The following GABRG3 variants were observed in gnomAD, a reference collection of about 807,000 sequenced individuals.
The protein encoded by GABRG3 is gamma-aminobutyric acid receptor subunit gamma-3.
Under a neutral mutation model 48.8 loss-of-function variants are expected in GABRG3, and 25 were observed. That is an observed-to-expected ratio of 0.51 (90% confidence interval 0.37 to 0.72). GABRG3 has a LOEUF of 0.72. GABRG3 is among the 30% of genes least tolerant of loss of function. The pLI, the probability that GABRG3 is intolerant of heterozygous loss-of-function variation, is 0.00. For missense variants in GABRG3, 394 were observed against 577.9 expected (o/e 0.68, Z 3.26); for synonymous variants, 227 against 217.6 (o/e 1.04, Z -0.38).
At chr15:27,040,713 A>G (rs1385271972) in intron 3 of GABRG3, among the ~76,000 whole-genome samples, 1 of 152,240 alleles carries the variant, frequency 6.6e-6, no homozygotes, top group Non-Finnish European at 1.5e-5. Flanking sequence ...CAAAGAAAGT[A>G]TTAAAATACT....
intron 6 of GABRG3, among the ~76,000 whole-genome samples, chr15:27,515,978 C>T (rs1014261807): frequency 5.9e-5 from 9 of 151,900 alleles, no homozygotes; most frequent in Non-Finnish European, 1.0e-4. Context: ...ACTTTTAAAG[C>T]ATAAGATGCT....
chr15:27,209,677 C>T (rs1350463014), intron 3 of GABRG3, among the ~76,000 whole-genome samples: 3 of 152,188 alleles, frequency 2.0e-5, no homozygotes, highest in African/African-American at 7.2e-5. Context: ...CTCTGGAGGC[C>T]ACCAGAGCGA....
chr15:27,318,153 G>C (rs532387963), intron 3 of GABRG3, among the ~76,000 whole-genome samples: 12 of 152,114 alleles, frequency 7.9e-5, no homozygotes, highest in Non-Finnish European at 1.5e-4. Flanking sequence ...GCACACTTAT[G>C]AGCACTTTGG....
chr15:27,175,903 C>G (rs1887728988), intron 3 of GABRG3, among the ~76,000 whole-genome samples: 1 of 152,088 alleles, frequency 6.6e-6, no homozygotes, highest in South Asian at 2.1e-4. Flanking sequence ...CTCAGAGAGG[C>G]CTGGGCAGCA....
intron 3 of GABRG3, among the ~76,000 whole-genome samples, chr15:27,135,594 G>C (rs1036043802): frequency 2.0e-5 from 3 of 152,102 alleles, no homozygotes; most frequent in Non-Finnish European, 4.4e-5. Flanking sequence ...CTGACTTGAG[G>C]GTTCTTGTGA....
At chr15:27,103,188 T>C (rs1198053792) in intron 3 of GABRG3, among the ~76,000 whole-genome samples, 1 of 152,228 alleles carries the variant, frequency 6.6e-6, no homozygotes, top group Non-Finnish European at 1.5e-5. Context: ...TGGAAGGTTC[T>C]GGGCCTGCCC....
chr15:27,114,086 A>G (rs1595532516), intron 3 of GABRG3, among the ~76,000 whole-genome samples: 1 of 152,342 alleles, frequency 6.6e-6, no homozygotes, highest in East Asian at 1.9e-4. Flanking sequence ...TTTATTTCCA[A>G]GACCTTTGGA....
chr15:27,274,171 T>A (rs1220506356), intron 3 of GABRG3, among the ~76,000 whole-genome samples: 1 of 151,838 alleles, frequency 6.6e-6, no homozygotes. Flanking sequence ...AAGGACAGAG[T>A]AGTGACTGGA....
At chr15:27,442,172 G>T (rs1315507102) in intron 5 of GABRG3, among the ~76,000 whole-genome samples, 1 of 152,118 alleles carries the variant, frequency 6.6e-6, no homozygotes, top group Non-Finnish European at 1.5e-5. Context: ...CCCAGCCTTG[G>T]CAGAGGGCAC....
At chr15:27,385,012 T>C (rs1895880017) in intron 5 of GABRG3, among the ~76,000 whole-genome samples, 1 of 152,186 alleles carries the variant, frequency 6.6e-6, no homozygotes, top group South Asian at 2.1e-4. Flanking sequence ...ATCCAAAAAA[T>C]ATATAGAATA....
In GABRG3 at chr15:27,447,946, C is replaced by A. The variant is rs539456291; in HGVS notation, c.575-32704C>A. Among the ~76,000 whole-genome samples, 9 of 152,166 alleles carry A rather than the reference C, an allele frequency of 5.9e-5. No individual in the cohort carries two copies. Among genetic ancestry groups the A allele is most frequent in the Admixed American group, 5.2e-4 (8 of 15,280 alleles). ...AGCAAACCACCATGGCACGTGTATA[C>A]CTATGTAGCAAACCTGTATGTTCTG... On this transcript the variant is annotated intron_variant, in intron 5 of 9. Coordinates refer to ENST00000615808, the MANE Select transcript of GABRG3 (RefSeq NM_033223.5). This position sits in a 1 kb window ranked among gnomAD's most constrained non-coding sequence, Gnocchi z 4.0.
chr15:27,014,956 G>A (rs1895751480), intron 2 of GABRG3, among the ~76,000 whole-genome samples: 1 of 152,140 alleles, frequency 6.6e-6, no homozygotes, highest in Admixed American at 6.5e-5. Context: ...CTAACGTTAG[G>A]TGTATATATA....
chr15:27,235,855 T>C (rs761278692), intron 3 of GABRG3, among the ~76,000 whole-genome samples: 2 of 152,166 alleles, frequency 1.3e-5, no homozygotes, highest in African/African-American at 4.8e-5. Flanking sequence ...GAGAAACAGA[T>C]GCAGAGGTTT....
chr15:27,525,906 T>G (rs1385077005), intron 7 of GABRG3, among the ~76,000 whole-genome samples: 2 of 152,086 alleles, frequency 1.3e-5, no homozygotes, highest in Non-Finnish European at 2.9e-5. Context: ...TGGCACATGT[T>G]TATGTAATAA....
intron 3 of GABRG3, among the ~76,000 whole-genome samples, chr15:27,324,163 A>C (rs1219152536): frequency 6.6e-6 from 1 of 152,186 alleles, no homozygotes; most frequent in Admixed American, 6.5e-5. Flanking sequence ...TCCCATCTTC[A>C]AAGGAGGCAA....
intron 5 of GABRG3, among the ~76,000 whole-genome samples, chr15:27,345,469 GAATTCCTA>G (rs202135991): frequency 0.022 from 3,285 of 152,234 alleles, 117 homozygotes; most frequent in African/African-American, 0.075. Flanking sequence ...CCTGGATAGA[GAATTCCTA>G]ATTATTTTAT....
At position 27,530,404 on chromosome 15, in the gene GABRG3, A is replaced by G. The variant is rs577090582; in HGVS notation, c.1123-2196A>G. On this transcript the variant is annotated intron_variant, in intron 9 of 9. Coordinates refer to ENST00000615808, the MANE Select transcript of GABRG3 (RefSeq NM_033223.5). ...GTACAGTTTGAAATTTTCATGACAAATGAAAAGGAGGCAAGTAAAGAAGTT... is the reference window on the plus strand; with the variant it reads ...GTACAGTTTGAAATTTTCATGACAAGTGAAAAGGAGGCAAGTAAAGAAGTT... Among the ~76,000 whole-genome samples the G allele has an allele frequency of 3.5e-4, 54 of 152,328 alleles. 1 individual carries two copies. In the South Asian group the frequency reaches 0.01, roughly 29 times the overall value.
At chr15:27,010,599 C>T (rs1211244271) in intron 2 of GABRG3, among the ~76,000 whole-genome samples, 2 of 152,124 alleles carry the variant, frequency 1.3e-5, no homozygotes, top group African/African-American at 2.4e-5. Context: ...CATTTTCCAC[C>T]TTCTCTCTTG....
intron 6 of GABRG3, among the ~76,000 whole-genome samples, chr15:27,507,274 C>T (rs1443499224): frequency 6.6e-6 from 1 of 152,088 alleles, no homozygotes; most frequent in East Asian, 1.9e-4. Flanking sequence ...CAGGCTGAGG[C>T]AGGTGAACCA....
Sources: allele counts gnomAD v4.1 joint callset (sites outside exome capture counted in the v4.1 genomes callset), GRCh38; gene constraint gnomAD v4.1.1; non-coding constraint Gnocchi (gnomAD v3.1); transcripts MANE v1.5; gene names NCBI Gene and HGNC (gene_info 2026-07-23, HGNC 2026-07-21).